MYO5C: variants seen among roughly 807,000 people sequenced by gnomAD.
The protein encoded by MYO5C is unconventional myosin-Vc.
Under a neutral mutation model 235.7 loss-of-function variants are expected in MYO5C, and 194 were observed. The ratio of observed to expected loss-of-function variants is 0.82; its 90% confidence interval spans 0.73 to 0.93. MYO5C has a LOEUF of 0.93. Ranked by LOEUF, MYO5C falls within the 40% of genes least tolerant of loss-of-function variation. The probability of loss-of-function intolerance (pLI) is 0.00; values close to 1 mark genes in which losing one functional copy is unlikely to be tolerated. For synonymous variants in MYO5C, 707 were observed against 754.8 expected (o/e 0.94, Z 1.04); for missense variants, 2,038 against 2,127.2 (o/e 0.96, Z 0.82).
chr15:52,264,109 A>G, intron 9 of MYO5C, 81 bp downstream of exon 9: 7 of 1,107,082 alleles, frequency 6.3e-6, no homozygotes, highest in Non-Finnish European at 9.2e-6. Flanking sequence ...TCTGGTGCTA[A>G]AAAGCAAAGG....
intron 15 of MYO5C, 24 bp downstream of exon 15, chr15:52,247,434 C>T: frequency 1.9e-6 from 3 of 1,612,396 alleles, no homozygotes; most frequent in Middle Eastern, 1.7e-4. Context: ...TTAGACCCCT[C>T]ACTCTCAAAC....
chr15:52,232,549 A>C, intron 24 of MYO5C, 73 bp downstream of exon 24: 8 of 1,451,962 alleles, frequency 5.5e-6, no homozygotes, highest in Non-Finnish European at 5.8e-6. Flanking sequence ...GCTATATGCA[A>C]ACTGAGATGG....
intron 10 of MYO5C, among the ~76,000 whole-genome samples, chr15:52,259,618 T>G (rs74015650): frequency 1.4e-3 from 210 of 152,366 alleles, no homozygotes; most frequent in African/African-American, 5.0e-3. Flanking sequence ...AACTGGCTGC[T>G]CAAACACTTT....
At chr15:52,223,896 T>G (rs1260917412) in intron 28 of MYO5C, among the ~76,000 whole-genome samples, 172 bp from the exon 29 acceptor site, 1 of 152,214 alleles carries the variant, frequency 6.6e-6, no homozygotes, top group Non-Finnish European at 1.5e-5. Context: ...TATAAAATCT[T>G]CTAGCTAGTT....
intron 22 of MYO5C, chr15:52,236,922 C>G (rs1223414648): frequency 6.6e-6 from 1 of 152,220 alleles, no homozygotes; most frequent in Non-Finnish European, 1.5e-5. Flanking sequence ...ATTTTATTCT[C>G]ACAACAATTC....
intron 1 of MYO5C, among the ~76,000 whole-genome samples, chr15:52,285,437 C>CCCTCCTCTCCCTCTCCCGTCTCCCT (rs747695137): frequency 4.2e-5 from 4 of 95,048 alleles, no homozygotes; most frequent in Non-Finnish European, 8.5e-5. Flanking sequence ...CTCTCCCTCT[C>CCCTCCTCTCCCTCTCCCGTCTCCCT]CCTCTCCCTC....
At position 52,253,330 on chromosome 15, in the gene MYO5C, T is replaced by C. The variant is rs747758777; in HGVS notation, c.1523A>G (p.Asp508Gly). 4 of 1,607,208 alleles carry C rather than the reference T, an allele frequency of 2.5e-6. No individual in the cohort carries two copies. In the South Asian group the frequency reaches 4.5e-5, roughly 18 times the overall value. ...EAKMGILELL[D>G]EECLLPHGTD... ...CTTAAAAGTTACCAAACATTCTTCA[T>C]CCAGTAACTCCAGAATTCCCATTTT... The change falls in exon 12 of 41, where the codon GAT becomes GGT. Residue 508 changes from aspartate to glycine, a missense_variant. Transcript: ENST00000261839.
intron 9 of MYO5C, among the ~76,000 whole-genome samples, chr15:52,261,839 C>CT (rs1163481642): frequency 1.3e-5 from 2 of 152,254 alleles, no homozygotes; most frequent in African/African-American, 4.8e-5. Flanking sequence ...CCCAGCTCCT[C>CT]TCTCAGGCAG....
intron 15 of MYO5C, 47 bp from the exon 16 acceptor site, chr15:52,247,061 T>C (rs779314347): frequency 8.5e-6 from 13 of 1,521,034 alleles, no homozygotes; most frequent in Admixed American, 7.2e-5. Context: ...AATAATTTAC[T>C]GCTTACATCA....
intron 11 of MYO5C, among the ~76,000 whole-genome samples, chr15:52,254,794 G>A (rs949626959): frequency 3.3e-5 from 5 of 152,082 alleles, no homozygotes; most frequent in Non-Finnish European, 1.5e-5. Context: ...TGAGGTTAAG[G>A]TGGACATGTT....
In MYO5C at chr15:52,244,217, G is replaced by A. The variant is rs1191979100; in HGVS notation, c.2390+139C>T. 5.4e-5 allele frequency: 40 copies of A among 740,394 alleles called. No homozygotes were observed. In the East Asian group the frequency reaches 7.2e-4, roughly 13 times the overall value. The allele number at this position is 740,394 out of a possible 1,614,324, so 45.9% of individuals were successfully genotyped here. A position where few individuals can be genotyped will look rare whatever the true frequency, so the allele number is the denominator to read the frequency against. ...GGACCTTTCTTGCCCTAATGCTCACGACCACAAAGGGGACCCATGCACGTC... is the reference window on the plus strand; with the variant it reads ...GGACCTTTCTTGCCCTAATGCTCACAACCACAAAGGGGACCCATGCACGTC... On this transcript the variant is annotated intron_variant, in intron 19 of 40. Transcript: ENST00000261839.
In MYO5C at chr15:52,245,841, G is replaced by A. The variant is rs1209595170; in HGVS notation, c.2066+115C>T. 6.6e-6 allele frequency: 6 copies of A among 904,010 alleles called. No individual in the cohort carries two copies. The East Asian group carries it at 1.0e-4, about 16-fold the overall frequency. The allele number at this position is 904,010 out of a possible 1,614,324, so 56.0% of individuals were successfully genotyped here. ...ACAGGGCAGTGGGAAAATCTTGGGG[G>A]CACTTTACAGAAGCCAAAAGTATGT... On this transcript the variant is annotated intron_variant, in intron 17 of 40. Transcript: ENST00000261839.
chr15:52,269,566 G>T (rs538129515), intron 8 of MYO5C, among the ~76,000 whole-genome samples, 187 bp downstream of exon 8: 6 of 150,394 alleles, frequency 4.0e-5, no homozygotes, highest in African/African-American at 1.5e-4. Context: ...CTAATTTTTC[G>T]TATTTTTAGT....
intron 38 of MYO5C, among the ~76,000 whole-genome samples, chr15:52,200,961 G>T (rs1157079573): frequency 1.3e-5 from 2 of 152,138 alleles, no homozygotes; most frequent in Admixed American, 6.6e-5. Flanking sequence ...CAGTGAACTT[G>T]AAAGGATTAA....
rs1436017747 is a variant in MYO5C, at chr15:52,295,729, G to A, written c.-93C>T. Reference sequence around the variant, plus strand: ...GCAGAGGCCGGGCGCAGGAGAGACCGCCGCGGAAATCACCGCCGGGCCATC... The same window carrying A: ...GCAGAGGCCGGGCGCAGGAGAGACCACCGCGGAAATCACCGCCGGGCCATC... On this transcript the variant is annotated 5_prime_UTR_variant, in exon 1 of 41. Coordinates refer to ENST00000261839, the MANE Select transcript of MYO5C (RefSeq NM_018728.4). The A allele has an allele frequency of 1.1e-5, 10 of 883,114 alleles. No individual in the cohort carries two copies. The highest frequency in any genetic ancestry group is 2.8e-5 in the South Asian group (1 of 36,042). 54.7% of individuals were successfully genotyped at this position (883,114 alleles called of 1,614,324 possible).
At chr15:52,213,136 T>C in intron 34 of MYO5C, 52 bp downstream of exon 34, 1 of 1,379,068 alleles carries the variant, frequency 7.3e-7, no homozygotes, top group Non-Finnish European at 1.0e-6. Flanking sequence ...CACTGACTGA[T>C]ATGCAAGTTC....
In MYO5C at chr15:52,253,403, G is replaced by C; in HGVS notation, c.1450C>G (p.Leu484Val). ...GGTTGATTGTCATAAAAATCTATCA[G>C]CGTCCAAGGTATATCTTCCTTCATG... is the stretch of plus-strand genomic sequence containing the variant. ...EYMKEDIPWT[L>V]IDFYDNQPVI... Residue 484 changes from leucine to valine, a missense_variant, in exon 12 of 41, where the codon CTG (leucine) becomes GTG (valine). Physicochemically the swap from Leu to Val is conservative, Grantham distance 32. Transcript: ENST00000261839. 1 of 1,613,918 alleles carries C rather than the reference G, an allele frequency of 6.2e-7. No homozygotes were observed.
intron 33 of MYO5C, 42 bp downstream of exon 33, chr15:52,214,561 G>A: frequency 1.5e-6 from 2 of 1,372,342 alleles, no homozygotes; most frequent in Non-Finnish European, 2.0e-6. Flanking sequence ...GCGCATGTTA[G>A]CCTTAGCTCA....
At chr15:52,214,555 A>T (rs1349813597) in intron 33 of MYO5C, 48 bp downstream of exon 33, 2 of 1,317,834 alleles carry the variant, frequency 1.5e-6, no homozygotes, top group Non-Finnish European at 2.1e-6. Context: ...ACTTGAGCGC[A>T]TGTTAGCCTT....
Sources: allele counts gnomAD v4.1 joint callset (sites outside exome capture counted in the v4.1 genomes callset), GRCh38; gene constraint gnomAD v4.1.1; transcripts MANE v1.5; gene names NCBI Gene and HGNC (gene_info 2026-07-23, HGNC 2026-07-21).